ASTN2: variants seen among roughly 807,000 people sequenced by gnomAD.
ASTN2 encodes astrotactin 2, also known as astrotactin-2.
Under a neutral mutation model 139.8 loss-of-function variants are expected in ASTN2, and 54 were observed. The ratio of observed to expected loss-of-function variants is 0.39; its 90% CI spans 0.31 to 0.48. The LOEUF (loss-of-function observed/expected upper bound fraction) is 0.48, where lower values mean the gene tolerates loss of function less well. Among genes scored for constraint, ASTN2 ranks in the 20% least tolerant of loss-of-function variants. The pLI is 0.95. For missense variants in ASTN2, 1,565 were observed against 1,725.1 expected (o/e 0.91, Z 1.64); for synonymous variants, 756 against 719.5 (o/e 1.05, Z -0.81).
intron 5 of ASTN2, among the ~76,000 whole-genome samples, chr9:117,078,310 CCT>C (rs1828333780): frequency 6.6e-6 from 1 of 151,988 alleles, no homozygotes; most frequent in South Asian, 2.1e-4. Context: ...ATGTTTTCTC[CCT>C]GTTTCCAGTT....
chr9:116,489,186 T>C (rs1849432432), intron 19 of ASTN2, among the ~76,000 whole-genome samples: 1 of 152,174 alleles, frequency 6.6e-6, no homozygotes. Context: ...AACAATAGTG[T>C]TGGCTCGTGT....
intron 20 of ASTN2, 146 bp from the exon 21 acceptor site, chr9:116,442,699 A>G: frequency 1.5e-6 from 1 of 684,970 alleles, no homozygotes; most frequent in Non-Finnish European, 2.6e-6. Context: ...GCATTTATTG[A>G]GCACTAACTG....
chr9:116,702,185 A>T (rs1333625001), intron 16 of ASTN2, among the ~76,000 whole-genome samples: 2 of 152,082 alleles, frequency 1.3e-5, no homozygotes, highest in African/African-American at 2.4e-5. Flanking sequence ...CTTCTGGAAA[A>T]TAACAAAAAT....
intron 3 of ASTN2, among the ~76,000 whole-genome samples, chr9:117,190,244 T>C (rs892645586): frequency 1.3e-5 from 2 of 152,216 alleles, no homozygotes; most frequent in Admixed American, 6.5e-5. Context: ...TGAATTTCTA[T>C]GTGAAATTTT....
At chr9:116,749,032 C>T (rs1355972172) in intron 13 of ASTN2, among the ~76,000 whole-genome samples, 1 of 152,032 alleles carries the variant, frequency 6.6e-6, no homozygotes, top group East Asian at 1.9e-4. Flanking sequence ...CCTGGTCCGC[C>T]CCCCGTCCCC....
At chr9:116,663,792 G>T (rs1230973961) in intron 16 of ASTN2, among the ~76,000 whole-genome samples, 1 of 152,258 alleles carries the variant, frequency 6.6e-6, no homozygotes, top group East Asian at 1.9e-4. Context: ...ATGCCCTTTG[G>T]TCTCTATAAA....
In ASTN2 at chr9:116,929,062, T is replaced by A. The variant is rs138934330; in HGVS notation, c.1889+46146A>T. 5.9e-5 allele frequency among the ~76,000 whole-genome samples: 9 copies of A among 152,268 alleles called. No homozygotes were observed. In the East Asian group the frequency reaches 1.7e-3, roughly 29 times the overall value. ...CCTCCCAGTGGGATCCAGCATATTATCCCCATTTACAGGTAAAGAGGAAGT... is the reference window on the plus strand; with the variant it reads ...CCTCCCAGTGGGATCCAGCATATTAACCCCATTTACAGGTAAAGAGGAAGT... On this transcript the variant is annotated intron_variant, in intron 10 of 22. Transcript: ENST00000313400.
chr9:116,777,035 A>T lies in ASTN2; in HGVS notation c.2396+28597T>A, dbSNP rs184071575. On this transcript the variant is annotated intron_variant, in intron 13 of 22. Coordinates refer to ENST00000313400, the MANE Select transcript of ASTN2 (RefSeq NM_001365068.1). ...AAAAAATTGAATAGCATTTCTTGGG[A>T]TGCCTATCTTGCCAAGTTAATTCAA... 1.2e-4 allele frequency among the ~76,000 whole-genome samples: 19 copies of T among 152,284 alleles called. No homozygotes were observed. In the East Asian group the frequency reaches 3.5e-3, roughly 28 times the overall value.
intron 19 of ASTN2, chr9:116,546,629 T>A (rs1852105618): frequency 6.6e-6 from 1 of 152,210 alleles, no homozygotes; most frequent in Non-Finnish European, 1.5e-5. Context: ...TGTACCATCA[T>A]ATCAAAATGC....
intron 19 of ASTN2, among the ~76,000 whole-genome samples, chr9:116,520,320 T>C (rs1850814711): frequency 6.6e-6 from 1 of 152,156 alleles, no homozygotes; most frequent in Non-Finnish European, 1.5e-5. Flanking sequence ...GTGGATTTCA[T>C]GCAAGGGATG....
intron 19 of ASTN2, among the ~76,000 whole-genome samples, chr9:116,515,049 C>T (rs1267992705): frequency 1.3e-5 from 2 of 152,160 alleles, no homozygotes; most frequent in Non-Finnish European, 2.9e-5. Flanking sequence ...CCCAATACCT[C>T]AGTTGGAAAT....
At chr9:117,113,511 C>T (rs1208887173) in intron 4 of ASTN2, among the ~76,000 whole-genome samples, 2 of 152,122 alleles carry the variant, frequency 1.3e-5, no homozygotes, top group Non-Finnish European at 2.9e-5. Flanking sequence ...CAAAAATTAG[C>T]CAGGCATGGT....
chr9:116,887,677 G>A (rs534527979), intron 10 of ASTN2, among the ~76,000 whole-genome samples: 2 of 152,090 alleles, frequency 1.3e-5, no homozygotes, highest in South Asian at 2.1e-4. Context: ...TTGTTGTTTC[G>A]ATTTTTTTGA....
At chr9:116,625,696 CT>C (rs903276949) in intron 17 of ASTN2, among the ~76,000 whole-genome samples, 2 of 152,144 alleles carry the variant, frequency 1.3e-5, no homozygotes, top group Admixed American at 6.5e-5. Context: ...CCCTGCACCC[CT>C]CTCTGTGATC....
chr9:116,704,197 G>A (rs1481086814), intron 16 of ASTN2, among the ~76,000 whole-genome samples: 1 of 152,132 alleles, frequency 6.6e-6, no homozygotes, highest in Non-Finnish European at 1.5e-5. Flanking sequence ...TTAAATAAGG[G>A]TGTTGGTATG....
At chr9:116,832,021 T>C (rs1831828694) in intron 11 of ASTN2, among the ~76,000 whole-genome samples, 1 of 152,206 alleles carries the variant, frequency 6.6e-6, no homozygotes, top group South Asian at 2.1e-4. Flanking sequence ...ATTTCATTAC[T>C]TTTTAGGGAT....
intron 13 of ASTN2, among the ~76,000 whole-genome samples, chr9:116,797,941 T>C (rs1156886067): frequency 6.6e-6 from 1 of 152,182 alleles, no homozygotes; most frequent in African/African-American, 2.4e-5. Context: ...GGCAATTTAC[T>C]TAACCACTGT....
At chr9:117,334,698 C>T (rs1354409568) in intron 1 of ASTN2, among the ~76,000 whole-genome samples, 1 of 152,046 alleles carries the variant, frequency 6.6e-6, no homozygotes, top group Non-Finnish European at 1.5e-5. Context: ...GCTCACTCTT[C>T]TCATTTTTCA....
At chr9:116,669,032 G>T (rs10116172) in intron 16 of ASTN2, among the ~76,000 whole-genome samples, 1 of 152,146 alleles carries the variant, frequency 6.6e-6, no homozygotes, top group Non-Finnish European at 1.5e-5. Flanking sequence ...CAGCTCTGGA[G>T]GTGGGGATTC....
Sources: gnomAD v4.1 joint callset for allele counts (sites outside exome capture counted in the v4.1 genomes callset) on GRCh38, gnomAD v4.1.1 for gene constraint, MANE v1.5 for transcripts, NCBI Gene and HGNC (gene_info 2026-07-23, HGNC 2026-07-21) for gene names.